Variants in DPP10 observed in about 807,000 individuals in gnomAD.
The protein encoded by DPP10 is dipeptidyl peptidase like 10, also known as inactive dipeptidyl peptidase 10.
Under a neutral mutation model 120.9 loss-of-function variants are expected in DPP10, and 33 were observed. The ratio of observed to expected loss-of-function variants is 0.27; its 90% CI spans 0.21 to 0.37. The LOEUF is 0.37. Among genes scored for constraint, DPP10 ranks in the 10% least tolerant of loss-of-function variants. DPP10 has a pLI of 1.00. For missense variants in DPP10, 816 were observed against 942.8 expected (o/e 0.87, Z 1.76); for synonymous variants, 337 against 326.1 (o/e 1.03, Z -0.36).
intron 1 of DPP10, among the ~76,000 whole-genome samples, chr2:115,307,934 G>A (rs1310564079): frequency 6.6e-6 from 1 of 152,114 alleles, no homozygotes; most frequent in Non-Finnish European, 1.5e-5. Context: ...TGAAAAAGAG[G>A]TGTGGAGCAA....
intron 1 of DPP10, among the ~76,000 whole-genome samples, chr2:115,157,263 A>G (rs2051985178): frequency 6.7e-6 from 1 of 148,766 alleles, no homozygotes; most frequent in African/African-American, 2.4e-5. Flanking sequence ...AAAAAAAAAG[A>G]GAGATTTGAC....
intron 1 of DPP10, among the ~76,000 whole-genome samples, chr2:114,626,538 C>T (rs747223465): frequency 2.6e-5 from 4 of 151,902 alleles, no homozygotes; most frequent in Non-Finnish European, 5.9e-5. Flanking sequence ...GGGAATTTGG[C>T]GGGGTGGTCA....
At chr2:114,812,617 C>CA (rs1553432949) in intron 1 of DPP10, among the ~76,000 whole-genome samples, 1 of 150,562 alleles carries the variant, frequency 6.6e-6, no homozygotes, top group African/African-American at 2.5e-5. Context: ...CACACACACA[C>CA]AATTATAATT....
chr2:115,631,442 C>A (rs774301921), intron 5 of DPP10, among the ~76,000 whole-genome samples: 5 of 151,984 alleles, frequency 3.3e-5, no homozygotes, highest in African/African-American at 9.7e-5. Context: ...TATTTCTTGT[C>A]TTCTGCCAGT....
At chr2:115,027,481 G>A (rs1466680772) in intron 1 of DPP10, among the ~76,000 whole-genome samples, 1 of 152,040 alleles carries the variant, frequency 6.6e-6, no homozygotes, top group Non-Finnish European at 1.5e-5. Context: ...ATTTCACCTG[G>A]CATGAATATC....
intron 16 of DPP10, among the ~76,000 whole-genome samples, chr2:115,781,755 AC>A (rs138305130): frequency 0.019 from 2,912 of 152,082 alleles, 103 homozygotes; most frequent in African/African-American, 0.066. Flanking sequence ...GTTTAATGAC[AC>A]CAGGAAAAAA....
At chr2:114,789,444 G>A (rs942674818) in intron 1 of DPP10, among the ~76,000 whole-genome samples, 1 of 152,182 alleles carries the variant, frequency 6.6e-6, no homozygotes. Context: ...AAGTGATCAG[G>A]AATGGAGAAT....
intron 1 of DPP10, among the ~76,000 whole-genome samples, chr2:115,068,553 A>G (rs1573494627): frequency 6.6e-6 from 1 of 152,094 alleles, no homozygotes; most frequent in African/African-American, 2.4e-5. Flanking sequence ...CCTTTGTTAT[A>G]CAGAAGCTTT....
chr2:114,774,778 A>G (rs565516806), intron 1 of DPP10, among the ~76,000 whole-genome samples: 1 of 151,742 alleles, frequency 6.6e-6, no homozygotes, highest in Non-Finnish European at 1.5e-5. Flanking sequence ...TCACAAGAAT[A>G]AGGAAAACAC....
chr2:115,145,906 T>C (rs2051196564), intron 1 of DPP10, among the ~76,000 whole-genome samples: 1 of 152,160 alleles, frequency 6.6e-6, no homozygotes, highest in South Asian at 2.1e-4. Context: ...ACATATACTA[T>C]TGAGAATACC....
chr2:115,561,679 G>A (rs1208944060), intron 5 of DPP10, among the ~76,000 whole-genome samples: 9 of 152,044 alleles, frequency 5.9e-5, no homozygotes, highest in Non-Finnish European at 2.9e-5. Flanking sequence ...AACCAGTGTT[G>A]CAATGGCTAT....
At chr2:115,247,951 G>T (rs1423460205) in intron 1 of DPP10, among the ~76,000 whole-genome samples, 1 of 152,096 alleles carries the variant, frequency 6.6e-6, no homozygotes, top group Admixed American at 6.6e-5. Context: ...TCTCCAGGGA[G>T]AGCATAACAT....
chr2:115,243,460 A>G (rs951305964), intron 1 of DPP10, among the ~76,000 whole-genome samples: 1 of 152,068 alleles, frequency 6.6e-6, no homozygotes, highest in Non-Finnish European at 1.5e-5. Flanking sequence ...ATATCTAGTT[A>G]TTTTTCTTTA....
intron 1 of DPP10, among the ~76,000 whole-genome samples, chr2:114,711,303 A>G (rs2105865301): frequency 6.6e-6 from 1 of 152,306 alleles, no homozygotes; most frequent in East Asian, 1.9e-4. Context: ...AGCTCAGCAG[A>G]CTAACAAGGA....
intron 5 of DPP10, among the ~76,000 whole-genome samples, chr2:115,682,283 A>T (rs1368301349): frequency 6.6e-6 from 1 of 151,912 alleles, no homozygotes; most frequent in African/African-American, 2.4e-5. Flanking sequence ...ACTGATGTGG[A>T]AGTTGCTTAT....
At chr2:115,406,822 C>T (rs1589087) in intron 3 of DPP10, among the ~76,000 whole-genome samples, 13,642 of 152,064 alleles carry the variant, frequency 0.09, 691 homozygotes, top group Middle Eastern at 0.13. Flanking sequence ...CAGAAATGGA[C>T]ATTTCAACAA....
intron 1 of DPP10, among the ~76,000 whole-genome samples, chr2:114,598,944 C>T (rs934518111): frequency 1.4e-4 from 21 of 151,532 alleles, no homozygotes; most frequent in African/African-American, 3.4e-4. Flanking sequence ...AGTTTCCTCC[C>T]GGTGGATAAG....
chr2:114,874,768 A>G (rs1691012230), intron 1 of DPP10, among the ~76,000 whole-genome samples: 1 of 152,042 alleles, frequency 6.6e-6, no homozygotes, highest in African/African-American at 2.4e-5. Context: ...GACTGCTGGT[A>G]TAGATTATAT....
intron 20 of DPP10, among the ~76,000 whole-genome samples, 180 bp downstream of exon 20, chr2:115,815,167 TAAAAG>T (rs912604834): frequency 1.4e-4 from 21 of 152,260 alleles, no homozygotes; most frequent in African/African-American, 5.1e-4. Flanking sequence ...AGTGCTATAA[TAAAAG>T]AATTCTCATA....
Sources: allele counts gnomAD v4.1 joint callset (sites outside exome capture counted in the v4.1 genomes callset), GRCh38; gene constraint gnomAD v4.1.1; transcripts MANE v1.5; gene names NCBI Gene and HGNC (gene_info 2026-07-23, HGNC 2026-07-21).